Variants in SLC25A12 observed in about 807,000 individuals in gnomAD.
The protein encoded by SLC25A12 is electrogenic aspartate/glutamate antiporter SLC25A12, mitochondrial.
Under a neutral mutation model 83.3 loss-of-function variants are expected in SLC25A12, and 32 were observed. That is an observed-to-expected ratio of 0.38 (90% CI 0.29 to 0.52). SLC25A12 has a LOEUF of 0.52. Ranked by LOEUF, SLC25A12 falls within the 20% of genes least tolerant of loss-of-function variation. The pLI is 0.84. For missense variants in SLC25A12, 611 were observed against 835.6 expected, an observed-to-expected ratio of 0.73 and a Z score of 3.31; for synonymous variants, 267 against 291.1, an observed-to-expected ratio of 0.92 and a Z score of 0.84.
intron 2 of SLC25A12, among the ~76,000 whole-genome samples, chr2:171,889,393 CCTTG>C (rs1685886130): frequency 6.6e-6 from 1 of 152,154 alleles, no homozygotes; most frequent in African/African-American, 2.4e-5. Flanking sequence ...CTGGTATTGT[CCTTG>C]CTTTTCATTT....
At chr2:171,807,429 T>C (rs1430596227) in intron 13 of SLC25A12, among the ~76,000 whole-genome samples, 6 of 152,196 alleles carry the variant, frequency 3.9e-5, no homozygotes, top group African/African-American at 1.4e-4. Context: ...ACTAAACATC[T>C]TATTTTGGTT....
At chr2:171,817,271 AC>A (rs1455757873) in intron 9 of SLC25A12, among the ~76,000 whole-genome samples, 6 of 152,126 alleles carry the variant, frequency 3.9e-5, no homozygotes, top group Admixed American at 1.3e-4. Context: ...CTATTATGCT[AC>A]CTACTAAACA....
chr2:171,811,983 G>T (rs994429963), intron 11 of SLC25A12, among the ~76,000 whole-genome samples: 1 of 152,110 alleles, frequency 6.6e-6, no homozygotes, highest in Non-Finnish European at 1.5e-5. Flanking sequence ...ATAAAATCTG[G>T]ATATGCAGGG....
chr2:171,863,122 C>G lies in SLC25A12; in HGVS notation c.209+5559G>C, dbSNP rs566328426. Among the ~76,000 whole-genome samples, 19 of 152,232 alleles carry G rather than the reference C, an allele frequency of 1.2e-4. No homozygotes were observed. The East Asian group carries it at 3.3e-3, about 26-fold the overall frequency. ...TTCACCATGTTGTCCAAGCTGGTCT[C>G]AAACTCCTGGCCTCAAGCGATCCTC... On this transcript the variant is annotated intron_variant, in intron 3 of 17. Coordinates refer to ENST00000422440, the MANE Select transcript of SLC25A12 (RefSeq NM_003705.5).
At chr2:171,793,234 G>A (rs1001108270) in intron 14 of SLC25A12, among the ~76,000 whole-genome samples, 7 of 151,496 alleles carry the variant, frequency 4.6e-5, no homozygotes, top group African/African-American at 1.7e-4. Flanking sequence ...AAATTATTAA[G>A]ACAAAAGCTC....
intron 2 of SLC25A12, among the ~76,000 whole-genome samples, chr2:171,881,674 G>T (rs772878972): frequency 2.6e-5 from 4 of 152,156 alleles, no homozygotes; most frequent in Admixed American, 2.0e-4. Flanking sequence ...TTAATGTAGG[G>T]ATGTGTAATT....
At chr2:171,826,279 A>C (rs181794437) in intron 9 of SLC25A12, among the ~76,000 whole-genome samples, 96 of 152,342 alleles carry the variant, frequency 6.3e-4, no homozygotes, top group African/African-American at 2.2e-3. Flanking sequence ...CAAAACAAAA[A>C]ACAAAACACA....
intron 13 of SLC25A12, among the ~76,000 whole-genome samples, chr2:171,801,512 A>C (rs1683707515): frequency 6.6e-6 from 1 of 152,254 alleles, no homozygotes; most frequent in South Asian, 2.1e-4. Context: ...ACATTTGTAC[A>C]TATAAATATT....
At chr2:171,855,665 T>C in intron 4 of SLC25A12, 169 bp downstream of exon 4, 2 of 633,658 alleles carry the variant, frequency 3.2e-6, no homozygotes, top group East Asian at 5.4e-5. Flanking sequence ...GGCAACAGTT[T>C]AATGCTTTGA....
At chr2:171,799,221 A>C (rs1683660890) in intron 13 of SLC25A12, among the ~76,000 whole-genome samples, 2 of 152,216 alleles carry the variant, frequency 1.3e-5, no homozygotes, top group Admixed American at 1.3e-4. Flanking sequence ...ACTCCATCGA[A>C]GGTATTTTTT....
intron 2 of SLC25A12, among the ~76,000 whole-genome samples, chr2:171,883,893 C>T (rs1685751957): frequency 6.6e-6 from 1 of 152,022 alleles, no homozygotes; most frequent in Admixed American, 6.6e-5. Context: ...CAGGGTCTTA[C>T]TCTATCACCC....
chr2:171,868,765 C>A lies in SLC25A12; in HGVS notation c.125G>T (p.Arg42Leu), dbSNP rs143779282. 1 of 1,613,364 alleles carries A rather than the reference C, an allele frequency of 6.2e-7. No individual in the cohort carries two copies. Among genetic ancestry groups the A allele is most frequent in the Non-Finnish European group, 8.5e-7 (1 of 1,179,362 alleles). Residue 42 changes from arginine (R) to leucine (L), a missense_variant, in exon 3 of 18, where the codon CGC becomes CTC. Physicochemically the swap from Arg to Leu is moderately radical, Grantham distance 102 (BLOSUM62 -2). Transcript: ENST00000422440. ...RYMTPEDFVQ[R>L]YLGLYNDPNS... Reference sequence around the variant, plus strand: ...TGGATCATTATACAGTCCAAGATAGCGCTGAACAAAGTCTTCTGGGGTCAT... The same window carrying A: ...TGGATCATTATACAGTCCAAGATAGAGCTGAACAAAGTCTTCTGGGGTCAT...
chr2:171,833,904 G>T, intron 8 of SLC25A12, 59 bp downstream of exon 8: 2 of 1,017,688 alleles, frequency 2.0e-6, no homozygotes, highest in Non-Finnish European at 3.1e-6. Flanking sequence ...GGACACCACT[G>T]CTTCACATTT....
At position 171,855,935 on chromosome 2, in the gene SLC25A12, T is replaced by C; in HGVS notation, c.224A>G (p.Gln75Arg). Residue 75 changes from glutamine to arginine, a missense_variant, in exon 4 of 18, where the codon CAA becomes CGA. Physicochemically the swap from Gln to Arg is conservative, Grantham distance 43. This residue lies in a region of SLC25A12 where 540 missense variants were observed against 777.5 expected (regional missense o/e 0.69). Transcript: ENST00000422440. ...DQTKDGLISY[Q>R]EFLAFESVLC... Reference sequence around the variant, plus strand: ...AACAGATTCAAATGCCAAAAACTCTTGATAGGAGATCAACCTGGAATAAAA... The same window carrying C: ...AACAGATTCAAATGCCAAAAACTCTCGATAGGAGATCAACCTGGAATAAAA... 1.3e-6 allele frequency: 2 copies of C among 1,592,750 alleles called. No individual in the cohort carries two copies. The highest frequency in any genetic ancestry group is 8.6e-7 in the Non-Finnish European group (1 of 1,160,606).
intron 11 of SLC25A12, 37 bp from the exon 12 acceptor site, chr2:171,810,313 T>C (rs1365386482): frequency 1.3e-6 from 2 of 1,531,602 alleles, no homozygotes; most frequent in Non-Finnish European, 1.8e-6. Flanking sequence ...AATATAGCTG[T>C]ACCAGACATG....
intron 13 of SLC25A12, among the ~76,000 whole-genome samples, chr2:171,803,927 C>G (rs910130899): frequency 1.3e-5 from 2 of 152,140 alleles, no homozygotes; most frequent in Non-Finnish European, 2.9e-5. Context: ...GAAAAACAGT[C>G]TGGCAGTCCT....
Position 171,834,355 on chromosome 2 carries a change from T to C in SLC25A12, c.752-299A>G, listed in dbSNP as rs535311197. 367 of 428,888 alleles carry C rather than the reference T, an allele frequency of 8.6e-4. 1 individual carries two copies. Among genetic ancestry groups the C allele is most frequent in the South Asian group, 2.7e-3 (102 of 37,962 alleles). 26.6% of individuals were successfully genotyped at this position (428,888 alleles called of 1,614,324 possible). A position where few individuals can be genotyped will look rare whatever the true frequency, so the allele number is the denominator to read the frequency against. On this transcript the variant is annotated intron_variant, in intron 7 of 17. Transcript: ENST00000422440. ...TTATTCACTTTGTTCTCCAGAGTTATAATACAAAAAAAGTGGGTGTTCTCC... is the reference window on the plus strand; with the variant it reads ...TTATTCACTTTGTTCTCCAGAGTTACAATACAAAAAAAGTGGGTGTTCTCC...
intron 9 of SLC25A12, among the ~76,000 whole-genome samples, chr2:171,820,216 CTTAAAAG>C (rs892350501): frequency 4.6e-5 from 7 of 152,140 alleles, no homozygotes; most frequent in African/African-American, 1.7e-4. Flanking sequence ...TACCCCCAAA[CTTAAAAG>C]TTAAAATAAT....
At chr2:171,884,494 G>A (rs901714861) in intron 2 of SLC25A12, among the ~76,000 whole-genome samples, 11 of 151,344 alleles carry the variant, frequency 7.3e-5, no homozygotes, top group South Asian at 2.1e-4. Flanking sequence ...GGCTGGGCAC[G>A]GATGGTGGCT....
Sources: gnomAD v4.1 joint callset for allele counts (sites outside exome capture counted in the v4.1 genomes callset) on GRCh38, gnomAD v4.1.1 for gene constraint, gnomAD v4.1.1 regional missense constraint, MANE v1.5 for transcripts, NCBI Gene and HGNC (gene_info 2026-07-23, HGNC 2026-07-21) for gene names.